The following CLTC variants were observed in gnomAD, a reference collection of about 807,000 sequenced individuals.
CLTC encodes clathrin heavy chain 1.
In CLTC, 16 loss-of-function variants were observed where a neutral mutation model predicts 195.8. The observed-to-expected ratio is 0.08, with a 90% CI of 0.06 to 0.12. The LOEUF (loss-of-function observed/expected upper bound fraction) is 0.12. Among genes scored for constraint, CLTC ranks in the 10% least tolerant of loss-of-function variants. CLTC has a pLI of 1.00. For missense variants in CLTC, 796 were observed against 2,027.0 expected (o/e 0.39, Z 11.66); for synonymous variants, 667 against 689.4 (o/e 0.97, Z 0.51).
At chr17:59,655,020 T>C in intron 5 of CLTC, among the ~76,000 whole-genome samples, 1 of 152,232 alleles carries the variant, frequency 6.6e-6, no homozygotes, top group East Asian at 1.9e-4. Flanking sequence ...GGTTTTCTTA[T>C]CATTCATGTG....
chr17:59,625,979 TG>T (rs1268763362), intron 1 of CLTC, among the ~76,000 whole-genome samples: 2 of 152,228 alleles, frequency 1.3e-5, no homozygotes, highest in African/African-American at 2.4e-5. Context: ...CATTAATTAT[TG>T]GCTAAATAAT....
chr17:59,681,254 C>T lies in CLTC; in HGVS notation c.3066-41C>T, dbSNP rs552329578. 6 of 1,566,866 alleles carry T rather than the reference C, an allele frequency of 3.8e-6. No individual in the cohort carries two copies. The African/African-American group carries it at 4.1e-5, about 11-fold the overall frequency. ...GTGGTTATTTTTTATGTCGGATAAA[C>T]TTAAAATATTGCATTTAAAATATTC... On this transcript the variant is annotated intron_variant, in intron 19 of 31. Transcript: ENST00000269122. The surrounding 1 kb of genome is among the most constrained non-coding windows in gnomAD (Gnocchi z 5.0).
rs1159295554 is a variant in CLTC, at chr17:59,655,992, A to G, written c.934A>G (p.Thr312Ala). ...TIFVTAPHEATAGIIGVNRKG... is the reference protein window; with the variant it reads ...TIFVTAPHEAAAGIIGVNRKG... ...TTTTGTTACTGCACCTCATGAAGCC[A>G]CAGCTGGAATAATTGGAGTAAACAG... is the stretch of plus-strand genomic sequence containing the variant. The change falls in exon 6 of 32, where the codon ACA (threonine) becomes GCA (alanine). Residue 312 changes from threonine (T) to alanine (A), a missense_variant. By Grantham distance (58) the Thr-to-Ala change is moderately conservative (BLOSUM62 0). This residue lies in a region of CLTC where 293 missense variants were observed against 795.6 expected (regional missense o/e 0.37). Transcript: ENST00000269122. 1 of 1,609,738 alleles carries G rather than the reference A, an allele frequency of 6.2e-7. No individual in the cohort carries two copies. Among genetic ancestry groups the G allele is most frequent in the African/African-American group, 1.3e-5 (1 of 74,840 alleles).
At chr17:59,623,180 T>TC (rs2031437147) in intron 1 of CLTC, among the ~76,000 whole-genome samples, 1 of 152,204 alleles carries the variant, frequency 6.6e-6, no homozygotes, top group African/African-American at 2.4e-5. Context: ...CCCTGTTCTT[T>TC]CCCCTTTGAT....
intron 6 of CLTC, among the ~76,000 whole-genome samples, chr17:59,659,865 A>G (rs1308010656): frequency 6.6e-6 from 1 of 152,164 alleles, no homozygotes; most frequent in Non-Finnish European, 1.5e-5. Flanking sequence ...TAATTAACGA[A>G]AATTACCAAA....
intron 1 of CLTC, among the ~76,000 whole-genome samples, chr17:59,643,063 CTG>C (rs1213973440): frequency 6.6e-6 from 1 of 151,146 alleles, no homozygotes; most frequent in Admixed American, 6.6e-5. Flanking sequence ...TGGAGGAAAA[CTG>C]TATTGCTAGA....
At chr17:59,675,725 C>CCT (rs895854960) in intron 16 of CLTC, among the ~76,000 whole-genome samples, 2 of 151,842 alleles carry the variant, frequency 1.3e-5, no homozygotes, top group Admixed American at 1.3e-4. Context: ...GAATCTATTA[C>CCT]CTGAAAATAA....
In CLTC at chr17:59,681,957, C is replaced by A; in HGVS notation, c.3442+118C>A. 1.1e-6 allele frequency: 1 copy of A among 887,882 alleles called. No homozygotes were observed. Among genetic ancestry groups the A allele is most frequent in the Non-Finnish European group, 1.7e-6 (1 of 601,000 alleles). 55.0% of individuals were successfully genotyped at this position (887,882 alleles called of 1,614,324 possible). A position where few individuals can be genotyped will look rare whatever the true frequency, so the allele number is the denominator to read the frequency against. ...TACTGCATGGTTTCTTTTAGTGCTC[C>A]ATCTTAGTCCAGATAAAAAGAGGCT... is the stretch of plus-strand genomic sequence containing the variant. On this transcript the variant is annotated intron_variant, in intron 21 of 31. Transcript: ENST00000269122. The surrounding 1 kb of genome is among the most constrained non-coding windows in gnomAD (Gnocchi z 5.0).
intron 1 of CLTC, among the ~76,000 whole-genome samples, chr17:59,642,380 G>A (rs2032063733): frequency 2.0e-5 from 3 of 152,218 alleles, no homozygotes; most frequent in Non-Finnish European, 4.4e-5. Context: ...TGCCTTAGAT[G>A]AAGGCTTGGT....
chr17:59,652,714 A>C (rs2032357926), intron 5 of CLTC, among the ~76,000 whole-genome samples: 2 of 152,204 alleles, frequency 1.3e-5, no homozygotes, highest in Non-Finnish European at 2.9e-5. Flanking sequence ...TTGCTGTTCC[A>C]TTTCTATAGC....
chr17:59,629,231 C>A (rs1426569817), intron 1 of CLTC, among the ~76,000 whole-genome samples: 1 of 152,140 alleles, frequency 6.6e-6, no homozygotes, highest in Non-Finnish European at 1.5e-5. Flanking sequence ...AGGCAGGTTT[C>A]TTTATTTTAC....
chr17:59,651,500 A>T (rs1440226300), intron 5 of CLTC, among the ~76,000 whole-genome samples, 184 bp downstream of exon 5: 1 of 152,170 alleles, frequency 6.6e-6, no homozygotes, highest in Non-Finnish European at 1.5e-5. Flanking sequence ...TAGGCCTATT[A>T]TGAGGTTTGG....
chr17:59,654,420 C>T (rs1292242535), intron 5 of CLTC, among the ~76,000 whole-genome samples: 1 of 151,830 alleles, frequency 6.6e-6, no homozygotes, highest in Non-Finnish European at 1.5e-5. Context: ...TCAAGTGATC[C>T]ACCTGCCTCA....
chr17:59,625,150 G>A (rs532990123), intron 1 of CLTC, among the ~76,000 whole-genome samples: 5 of 150,840 alleles, frequency 3.3e-5, no homozygotes, highest in African/African-American at 1.2e-4. Flanking sequence ...TCACTCTGTC[G>A]CCAGGCTGGA....
rs1223886535 is a variant in CLTC at position 59,677,047 on chromosome 17, C to T, written c.2655C>T (p.Asp885=). 1.9e-6 allele frequency: 3 copies of T among 1,613,950 alleles called. No homozygotes were observed. In the Admixed American group the frequency reaches 5.0e-5, roughly 27 times the overall value. ...THNALAKIYI[D]SNNNPERFLR... ...ATGCCTTAGCCAAAATCTACATAGA[C>T]AGTAATAACAACCCGGAGAGATTTC... The change falls in exon 17 of 32, where the codon GAC becomes GAT. Residue 885 remains aspartate, a synonymous_variant. Coordinates refer to ENST00000269122, the MANE Select transcript of CLTC (RefSeq NM_004859.4).
At chr17:59,662,137 G>T (rs1192403105) in intron 8 of CLTC, among the ~76,000 whole-genome samples, 1 of 151,936 alleles carries the variant, frequency 6.6e-6, no homozygotes, top group African/African-American at 2.4e-5. Flanking sequence ...TAGTAAGACA[G>T]GATGGCTATC....
At chr17:59,623,079 C>T (rs991162660) in intron 1 of CLTC, among the ~76,000 whole-genome samples, 5 of 152,150 alleles carry the variant, frequency 3.3e-5, no homozygotes, top group African/African-American at 7.2e-5. Flanking sequence ...TGGTGATTTT[C>T]AATTTTCTGG....
At chr17:59,688,402 G>A (rs149144305) in intron 30 of CLTC, among the ~76,000 whole-genome samples, 2 of 152,296 alleles carry the variant, frequency 1.3e-5, no homozygotes, top group African/African-American at 4.8e-5. Flanking sequence ...CAGTAGTACA[G>A]ATGGAACTGA....
chr17:59,641,287 G>C (rs1376726794), intron 1 of CLTC, among the ~76,000 whole-genome samples: 1 of 151,886 alleles, frequency 6.6e-6, no homozygotes, highest in African/African-American at 2.4e-5. Flanking sequence ...GAGGGAGAGA[G>C]GAAAAGAAGG....
Sources: allele counts gnomAD v4.1 joint callset (sites outside exome capture counted in the v4.1 genomes callset), GRCh38; gene constraint gnomAD v4.1.1; regional missense constraint gnomAD v4.1.1; non-coding constraint Gnocchi (gnomAD v3.1); transcripts MANE v1.5; gene names NCBI Gene and HGNC (gene_info 2026-07-23, HGNC 2026-07-21).